The following IL2RA variants were observed in gnomAD, a reference collection of about 807,000 sequenced individuals.
IL2RA encodes interleukin-2 receptor subunit alpha.
IL2RA carries 24 observed loss-of-function variants against 37.8 expected under a neutral mutation model. The ratio of observed to expected loss-of-function variants is 0.63; its 90% confidence interval spans 0.46 to 0.89. The LOEUF is 0.89. IL2RA is among the 40% of genes least tolerant of loss of function. IL2RA has a pLI of 0.00. For synonymous variants in IL2RA, 125 were observed against 114.6 expected (o/e 1.09, Z -0.58); for missense variants, 319 against 348.6 (o/e 0.92, Z 0.68).
At position 6,047,186 on chromosome 10, in the gene IL2RA, G is replaced by A. The variant is rs1407076928; in HGVS notation, c.64+14902C>T. 6.6e-6 allele frequency among the ~76,000 whole-genome samples: 1 copy of A among 152,204 alleles called. No individual in the cohort carries two copies. Among genetic ancestry groups the A allele is most frequent in the African/African-American group, 2.4e-5 (1 of 41,452 alleles). On this transcript the variant is annotated intron_variant, in intron 1 of 7. Coordinates refer to ENST00000379959, the MANE Select transcript of IL2RA (RefSeq NM_000417.3). The surrounding 1 kb of genome is among the most constrained non-coding windows in gnomAD (Gnocchi z 5.0). The stretch of plus-strand genomic sequence containing the variant: ...GCTGAACCCTTGCTGATGTGCAGAA[G>A]GGGTTAATCAGACCATGTGGACACA...
rs918064886 is a variant in IL2RA at position 6,029,417 on chromosome 10, G to A, written c.65-3392C>T. ...TGACCTCAGGTGATCCACCTGCCTC[G>A]GCCTCCCAAAGTGCTAGGATTACAG... On this transcript the variant is annotated intron_variant, in intron 1 of 7. Transcript: ENST00000379959. The surrounding 1 kb of genome is among the most constrained non-coding windows in gnomAD (Gnocchi z 4.6). Among the ~76,000 whole-genome samples the A allele has an allele frequency of 6.6e-5, 10 of 151,912 alleles. No homozygotes were observed.
rs1403488645 is a variant in IL2RA at position 6,018,128 on chromosome 10, A to G, written c.728-9T>C. 6.2e-7 allele frequency: 1 copy of G among 1,612,972 alleles called. No homozygotes were observed. The highest frequency in any genetic ancestry group is 8.5e-7 in the Non-Finnish European group (1 of 1,179,216). On this transcript the variant is annotated splice_polypyrimidine_tract_variant and intron_variant, in intron 6 of 7. Coordinates refer to ENST00000379959, the MANE Select transcript of IL2RA (RefSeq NM_000417.3). This position sits in a 1 kb window ranked among gnomAD's most constrained non-coding sequence, Gnocchi z 5.1. Reference sequence around the variant, plus strand: ...GAAAACACAGCCGGCCACTGTCAATAGAGAGAGGGAGTTCAGCAAAGGGCC... The same window carrying G: ...GAAAACACAGCCGGCCACTGTCAATGGAGAGAGGGAGTTCAGCAAAGGGCC...
rs926094820 is a variant in IL2RA, at chr10:6,058,668, A to G, written c.64+3420T>C. ...ACACATTATCTCAATGGGTTTCCAC[A>G]CTGTTTTTTTAAAGAATTATTTTTG... is the stretch of plus-strand genomic sequence containing the variant. On this transcript the variant is annotated intron_variant, in intron 1 of 7. Coordinates refer to ENST00000379959, the MANE Select transcript of IL2RA (RefSeq NM_000417.3). This position sits in a 1 kb window ranked among gnomAD's most constrained non-coding sequence, Gnocchi z 4.2. Among the ~76,000 whole-genome samples, 2 of 152,206 alleles carry G rather than the reference A, an allele frequency of 1.3e-5. No homozygotes were observed.
At chr10:6,051,295 T>TC (rs1839951738) in intron 1 of IL2RA, among the ~76,000 whole-genome samples, 1 of 151,518 alleles carries the variant, frequency 6.6e-6, no homozygotes, top group Admixed American at 6.6e-5. Flanking sequence ...CCGGGTGTCA[T>TC]CCCCAAAACT....
At position 6,051,817 on chromosome 10, in the gene IL2RA, CTATATATATATA is replaced by C. The variant is rs61008683; in HGVS notation, c.64+10259_64+10270del. 1.1e-3 allele frequency among the ~76,000 whole-genome samples: 36 copies of C among 33,686 alleles called. 5 individuals carry two copies. The highest frequency in any genetic ancestry group is 5.3e-3 in the South Asian group (3 of 566). The allele number at this position is 33,686 out of a possible 152,430, so 22.1% of individuals were successfully genotyped here. On this transcript the variant is annotated intron_variant, in intron 1 of 7. Coordinates refer to ENST00000379959, the MANE Select transcript of IL2RA (RefSeq NM_000417.3). ...TACAGACGTGAGCCATCATGCCCAG[CTATATATATATA>C]TATATATATATATAGAATTTTTTAA...
In IL2RA at chr10:6,025,990, C is replaced by A; in HGVS notation, c.100G>T (p.Ala34Ser). ...CDDDPPEIPH[A>S]TFKAMAYKEG... ...TTGTAGGCCATGGCTTTGAATGTGG[C>A]GTGTGGGATCTCTGGCGGGTCATCG... Residue 34 changes from alanine (A) to serine (S), a missense_variant, in exon 2 of 8, where the codon GCC (alanine) becomes TCC (serine). Transcript: ENST00000379959. This position sits in a 1 kb window ranked among gnomAD's most constrained non-coding sequence, Gnocchi z 4.4. 1.2e-6 allele frequency: 2 copies of A among 1,613,654 alleles called. No individual in the cohort carries two copies. Among genetic ancestry groups the A allele is most frequent in the Non-Finnish European group, 1.7e-6 (2 of 1,180,024 alleles).
chr10:6,030,303 C>T (rs1165640623), intron 1 of IL2RA, among the ~76,000 whole-genome samples: 1 of 152,058 alleles, frequency 6.6e-6, no homozygotes, highest in African/African-American at 2.4e-5. Context: ...GTTCACGGCA[C>T]CAAGCAAGAT....
chr10:6,024,352 T>A lies in IL2RA; in HGVS notation c.259A>T (p.Thr87Ser), dbSNP rs1232381897. ...GTCACTTGTTTCGTTGTGTTCCGAG[T>A]GGCTAGAAAATATAGATGGAATGAT... ...DNQCQCTSSA[T>S]RNTTKQVTPQ... The change falls in exon 3 of 8, where the codon ACT becomes TCT. Residue 87 changes from threonine (T) to serine (S), a missense_variant and splice_region_variant. Physicochemically the swap from Thr to Ser is moderately conservative, Grantham distance 58. Transcript: ENST00000379959. 6.2e-7 allele frequency: 1 copy of A among 1,605,246 alleles called. No individual in the cohort carries two copies. Among genetic ancestry groups the A allele is most frequent in the Non-Finnish European group, 8.5e-7 (1 of 1,171,972 alleles).
intron 7 of IL2RA, chr10:6,017,147 A>C (rs1256941118): frequency 1.3e-5 from 2 of 152,736 alleles, no homozygotes; most frequent in Admixed American, 6.5e-5. Context: ...ATATCTTGCC[A>C]CTCACTGGTA....
Position 6,036,043 on chromosome 10 carries a change from TG to T in IL2RA, c.65-10019del, listed in dbSNP as rs1449555811. The stretch of plus-strand genomic sequence containing the variant: ...GACAGTGACGGAGAGCCACCTCCTC[TG>T]GAATGCATCATGGAACAGGTCTGGG... On this transcript the variant is annotated intron_variant, in intron 1 of 7. Transcript: ENST00000379959. This position sits in a 1 kb window ranked among gnomAD's most constrained non-coding sequence, Gnocchi z 6.1. 1 of 152,280 alleles carries T rather than the reference TG, an allele frequency of 6.6e-6. No homozygotes were observed. Among genetic ancestry groups the T allele is most frequent in the African/African-American group, 2.4e-5 (1 of 41,450 alleles). The allele number at this position is 152,280 out of a possible 1,614,324, so 9.4% of individuals were successfully genotyped here. A position where few individuals can be genotyped will look rare whatever the true frequency, so the allele number is the denominator to read the frequency against.
intron 1 of IL2RA, among the ~76,000 whole-genome samples, chr10:6,051,221 C>A (rs571011908): frequency 6.6e-6 from 1 of 152,160 alleles, no homozygotes; most frequent in Non-Finnish European, 1.5e-5. Flanking sequence ...GCAGGCTCTG[C>A]CTGGTTTCAT....
intron 3 of IL2RA, among the ~76,000 whole-genome samples, chr10:6,023,839 G>A (rs1839430537): frequency 1.3e-5 from 2 of 152,200 alleles, no homozygotes; most frequent in African/African-American, 4.8e-5. Context: ...TTTTTGCGGT[G>A]CGTTGTCTTG....
chr10:6,036,704 T>C lies in IL2RA; in HGVS notation c.65-10679A>G, dbSNP rs922833527. ...CTTCATTATTAGAATTGGAGTAGAA[T>C]GAAAATTAATTTTTCCCTGAGCTAT... is the stretch of plus-strand genomic sequence containing the variant. On this transcript the variant is annotated intron_variant, in intron 1 of 7. Coordinates refer to ENST00000379959, the MANE Select transcript of IL2RA (RefSeq NM_000417.3). This position sits in a 1 kb window ranked among gnomAD's most constrained non-coding sequence, Gnocchi z 6.1. 2.0e-5 allele frequency among the ~76,000 whole-genome samples: 3 copies of C among 152,226 alleles called. No homozygotes were observed. The highest frequency in any genetic ancestry group is 7.2e-5 in the African/African-American group (3 of 41,456).
intron 1 of IL2RA, among the ~76,000 whole-genome samples, chr10:6,053,742 C>T (rs1466582724): frequency 6.6e-6 from 1 of 152,220 alleles, no homozygotes; most frequent in Non-Finnish European, 1.5e-5. Context: ...GGATCCTCCC[C>T]TCTTGGCCCC....
In IL2RA at chr10:6,044,262, T is replaced by C. The variant is rs1343968214; in HGVS notation, c.64+17826A>G. Among the ~76,000 whole-genome samples the C allele has an allele frequency of 1.3e-5, 2 of 152,166 alleles. No homozygotes were observed. Among genetic ancestry groups the C allele is most frequent in the Non-Finnish European group, 2.9e-5 (2 of 68,030 alleles). On this transcript the variant is annotated intron_variant, in intron 1 of 7. Coordinates refer to ENST00000379959, the MANE Select transcript of IL2RA (RefSeq NM_000417.3). This position sits in a 1 kb window ranked among gnomAD's most constrained non-coding sequence, Gnocchi z 4.5. ...AGGAAGGAATTCAGGGGCAAGCCAGTGGTAGAATAAAAGAAAACAGCTTTA... is the reference window on the plus strand; with the variant it reads ...AGGAAGGAATTCAGGGGCAAGCCAGCGGTAGAATAAAAGAAAACAGCTTTA...
rs780223643 is a variant in IL2RA at position 6,019,508 on chromosome 10, AAG to A, written c.656-11_656-10del. 2.3e-5 allele frequency: 37 copies of A among 1,596,774 alleles called. No individual in the cohort carries two copies. The African/African-American group carries it at 4.7e-4, about 20-fold the overall frequency. ...TGTCTGTATTTGAAAATCTGTGAAA[AAG>A]AGATAAAGAGAGACACTCCTGCTAC... On this transcript the variant is annotated splice_polypyrimidine_tract_variant and intron_variant, in intron 5 of 7. Coordinates refer to ENST00000379959, the MANE Select transcript of IL2RA (RefSeq NM_000417.3).
At chr10:6,059,461 A>G (rs956199533) in intron 1 of IL2RA, among the ~76,000 whole-genome samples, 1 of 152,222 alleles carries the variant, frequency 6.6e-6, no homozygotes. Context: ...AAGTTACTTT[A>G]TAAATGGTAG....
Position 6,021,531 on chromosome 10 carries a change from C to T in IL2RA, c.530G>A (p.Trp177Ter). 3.7e-6 allele frequency: 6 copies of T among 1,614,140 alleles called. No individual in the cohort carries two copies. Among genetic ancestry groups the T allele is most frequent in the Non-Finnish European group, 5.1e-6 (6 of 1,180,034 alleles). The change falls in exon 4 of 8, where the codon TGG becomes TAG. Residue 177 changes from tryptophan to a stop codon, truncating the protein, a stop_gained. Coordinates refer to ENST00000379959, the MANE Select transcript of IL2RA (RefSeq NM_000417.3). LOFTEE classifies it high-confidence loss of function. This position sits in a 1 kb window ranked among gnomAD's most constrained non-coding sequence, Gnocchi z 4.9. ...TGTGCATATGAGCTGGGGCTGGGTC[C>T]ACCTTGTCTTCCCGTGGGTCATTTT... The part of the protein sequence containing the change: ...VCKMTHGKTR[W>*]TQPQLICTGE...
At chr10:6,045,234 G>A (rs1057335315) in intron 1 of IL2RA, among the ~76,000 whole-genome samples, 7 of 152,182 alleles carry the variant, frequency 4.6e-5, no homozygotes, top group East Asian at 1.9e-4. Flanking sequence ...CAGAGTTTCC[G>A]TAACCCTAAA....
Sources: allele counts gnomAD v4.1 joint callset (sites outside exome capture counted in the v4.1 genomes callset), GRCh38; gene constraint gnomAD v4.1.1; non-coding constraint Gnocchi (gnomAD v3.1); transcripts MANE v1.5; gene names NCBI Gene and HGNC (gene_info 2026-07-23, HGNC 2026-07-21).